Variants in NRCAM observed in about 807,000 individuals in gnomAD.
NRCAM encodes NgCAM-related cell adhesion molecule.
In NRCAM, 83 loss-of-function variants were observed where a neutral mutation model predicts 156.5. The ratio of observed to expected loss-of-function variants is 0.53; its 90% CI spans 0.44 to 0.64. NRCAM has a LOEUF of 0.64. Among genes scored for constraint, NRCAM ranks in the 30% least tolerant of loss-of-function variants. The pLI, the probability that NRCAM is intolerant of heterozygous loss-of-function variation, is 0.00. For missense variants in NRCAM, 1,417 were observed against 1,597.3 expected (o/e 0.89, Z 1.92); for synonymous variants, 538 against 563.9 (o/e 0.95, Z 0.65).
At chr7:108,448,475 G>A (rs1210704901) in intron 1 of NRCAM, among the ~76,000 whole-genome samples, 5 of 152,208 alleles carry the variant, frequency 3.3e-5, no homozygotes, top group South Asian at 4.1e-4. Context: ...GCAAAATTTG[G>A]TGATGTTTCA....
At chr7:108,246,442 A>T (rs1243148101) in intron 3 of NRCAM, among the ~76,000 whole-genome samples, 2 of 152,126 alleles carry the variant, frequency 1.3e-5, no homozygotes, top group African/African-American at 4.8e-5. Flanking sequence ...ACAGAGAGAG[A>T]GTGAGTCAGC....
At chr7:108,279,835 C>T (rs964018661) in intron 3 of NRCAM, among the ~76,000 whole-genome samples, 2 of 151,994 alleles carry the variant, frequency 1.3e-5, no homozygotes, top group African/African-American at 2.4e-5. Context: ...GCTGAGAAAA[C>T]AGGCATGAGC....
At chr7:108,165,780 T>G (rs2053688113) in intron 30 of NRCAM, among the ~76,000 whole-genome samples, 7 of 152,264 alleles carry the variant, frequency 4.6e-5, no homozygotes, top group Admixed American at 4.6e-4. Context: ...TTGTAAAAAC[T>G]GACTTTAAAA....
chr7:108,414,478 A>T (rs1453399778), intron 1 of NRCAM, among the ~76,000 whole-genome samples: 1 of 152,170 alleles, frequency 6.6e-6, no homozygotes, highest in African/African-American at 2.4e-5. Flanking sequence ...TCCACTCTAC[A>T]TTAGACTAGC....
intron 4 of NRCAM, 130 bp downstream of exon 4, chr7:108,239,829 A>C (rs2095414983): frequency 3.5e-6 from 2 of 568,796 alleles, no homozygotes; most frequent in Non-Finnish European, 6.2e-6. Context: ...TGAAGGTAAA[A>C]GCCAAATTAA....
chr7:108,455,956 G>A (rs979070023), intron 1 of NRCAM, among the ~76,000 whole-genome samples: 5 of 152,208 alleles, frequency 3.3e-5, no homozygotes, highest in South Asian at 2.1e-4. Context: ...CAGGCTGGAG[G>A]GGGTGGTGGG....
At chr7:108,188,061 C>T (rs1338797228) in intron 20 of NRCAM, among the ~76,000 whole-genome samples, 2 of 152,112 alleles carry the variant, frequency 1.3e-5, no homozygotes, top group Non-Finnish European at 2.9e-5. Context: ...GACCACAATG[C>T]TGGTCTGACA....
chr7:108,353,022 T>C (rs1403557229), intron 2 of NRCAM, among the ~76,000 whole-genome samples: 2 of 151,874 alleles, frequency 1.3e-5, no homozygotes, highest in African/African-American at 4.8e-5. Flanking sequence ...ATGTATTTTT[T>C]TAAATTATAC....
At position 108,175,335 on chromosome 7, in the gene NRCAM, T is replaced by A; in HGVS notation, c.3174A>T (p.Val1058=). The change falls in exon 28 of 33, where the codon GTA becomes GTT. Residue 1058 remains valine (V), a synonymous_variant. Transcript: ENST00000379028. Reference sequence around the variant, plus strand: ...GAATTATTTTACCTTTGCCTGCACCTACATCAGGTGGAAGAATACCAGCTT... The same window carrying A: ...GAATTATTTTACCTTTGCCTGCACCAACATCAGGTGGAAGAATACCAGCTT... The part of the protein sequence containing the change: ...VDEAGILPPD[V]GAGKVQAVNP... 1 of 1,560,946 alleles carries A rather than the reference T, an allele frequency of 6.4e-7. No individual in the cohort carries two copies. The highest frequency in any genetic ancestry group is 8.7e-7 in the Non-Finnish European group (1 of 1,151,496).
At position 108,191,836 on chromosome 7, in the gene NRCAM, T is replaced by A. The variant is rs1298235282; in HGVS notation, c.1796A>T (p.Asp599Val). ...ACTGACATCAGCTACCACTAGATGATCCTTGTCAACAGTGAACCTGTGGAT... is the reference window on the plus strand; with the variant it reads ...ACTGACATCAGCTACCACTAGATGAACCTTGTCAACAGTGAACCTGTGGAT... ...PSDERFTVDK[D>V]HLVVADVSDD... Residue 599 changes from aspartate (D) to valine (V), a missense_variant, in exon 18 of 33, where the codon GAT becomes GTT. Around this residue, in one of 2 missense-constraint regions of NRCAM, gnomAD observed 1,238 missense variants for 1,336.4 expected, o/e 0.93. Transcript: ENST00000379028. The A allele has an allele frequency of 6.2e-7, 1 of 1,613,552 alleles. No homozygotes were observed. The highest frequency in any genetic ancestry group is 8.5e-7 in the Non-Finnish European group (1 of 1,179,966).
chr7:108,323,045 C>T (rs1049591427), intron 2 of NRCAM, among the ~76,000 whole-genome samples: 3 of 152,038 alleles, frequency 2.0e-5, no homozygotes, highest in African/African-American at 4.8e-5. Flanking sequence ...TAAATGTTAC[C>T]GGTGTTATGA....
At chr7:108,247,244 A>G (rs923370105) in intron 3 of NRCAM, among the ~76,000 whole-genome samples, 2 of 152,240 alleles carry the variant, frequency 1.3e-5, no homozygotes, top group Non-Finnish European at 2.9e-5. Flanking sequence ...ATATAGCCAT[A>G]GATATCTGCA....
intron 2 of NRCAM, among the ~76,000 whole-genome samples, chr7:108,322,994 T>C (rs2099020582): frequency 6.6e-6 from 1 of 152,162 alleles, no homozygotes; most frequent in Non-Finnish European, 1.5e-5. Context: ...TTTCTCAAGG[T>C]CTCTGGGGAC....
chr7:108,269,490 T>A (rs1272361051), intron 3 of NRCAM, among the ~76,000 whole-genome samples: 1 of 152,068 alleles, frequency 6.6e-6, no homozygotes, highest in Non-Finnish European at 1.5e-5. Context: ...TCACCTTTCA[T>A]CCAAGTCACG....
At chr7:108,298,932 C>G (rs1053062708) in intron 3 of NRCAM, among the ~76,000 whole-genome samples, 11 of 149,304 alleles carry the variant, frequency 7.4e-5, no homozygotes, top group African/African-American at 1.7e-4. Flanking sequence ...ATGGTGAAAC[C>G]CTGTCTCTAC....
chr7:108,158,660 G>T (rs1468935386), intron 32 of NRCAM, among the ~76,000 whole-genome samples: 1 of 151,806 alleles, frequency 6.6e-6, no homozygotes, highest in East Asian at 1.9e-4. Flanking sequence ...TATAAGCAAG[G>T]GGCTTCTAAA....
At position 108,312,714 on chromosome 7, in the gene NRCAM, C is replaced by T. The variant is rs768038467; in HGVS notation, c.-156G>A. On this transcript the variant is annotated 5_prime_UTR_variant, in exon 3 of 33. Transcript: ENST00000379028. ...CTTCCTTTTAATTCTTTAAACCAAA[C>T]GTCTTCTTAGCATTGCTCTGTGGGT... 1.3e-5 allele frequency: 2 copies of T among 152,192 alleles called. No homozygotes were observed. The highest frequency in any genetic ancestry group is 1.9e-4 in the East Asian group (1 of 5,202). The allele number at this position is 152,192 out of a possible 1,614,324, so 9.4% of individuals were successfully genotyped here.
intron 32 of NRCAM, among the ~76,000 whole-genome samples, chr7:108,155,143 C>CACAT (rs1491056957): frequency 1.9e-5 from 2 of 104,852 alleles, no homozygotes; most frequent in Admixed American, 8.5e-5. Flanking sequence ...CACACACACA[C>CACAT]ATATAGCAGA....
At chr7:108,191,614 A>G in intron 18 of NRCAM, 115 bp downstream of exon 18, 1 of 1,236,378 alleles carries the variant, frequency 8.1e-7, no homozygotes, top group South Asian at 1.7e-5. Context: ...CATGGGTATG[A>G]ACTCACCCAT....
Sources: allele counts gnomAD v4.1 joint callset (sites outside exome capture counted in the v4.1 genomes callset), GRCh38; gene constraint gnomAD v4.1.1; regional missense constraint gnomAD v4.1.1; transcripts MANE v1.5; gene names NCBI Gene and HGNC (gene_info 2026-07-23, HGNC 2026-07-21).